The following ASH2L variants were observed in gnomAD, a reference collection of about 807,000 sequenced individuals.
ASH2L encodes the protein set1/Ash2 histone methyltransferase complex subunit ASH2.
Under a neutral mutation model 81.1 loss-of-function variants are expected in ASH2L, and 30 were observed. That is an observed-to-expected ratio of 0.37 (90% CI 0.28 to 0.50). The LOEUF (loss-of-function observed/expected upper bound fraction) is 0.50, where lower values mean the gene tolerates loss of function less well. Among genes scored for constraint, ASH2L ranks in the 20% least tolerant of loss-of-function variants. The pLI, the probability that ASH2L is intolerant of heterozygous loss-of-function variation, is 0.95. For synonymous variants in ASH2L, 273 were observed against 279.9 expected (o/e 0.98, Z 0.24); for missense variants, 559 against 792.1 (o/e 0.71, Z 3.53).
At chr8:38,106,946 C>T (rs564457289) in intron 2 of ASH2L, 75 bp from the exon 3 acceptor site, 9 of 1,551,876 alleles carry the variant, frequency 5.8e-6, no homozygotes, top group Non-Finnish European at 7.0e-6. Flanking sequence ...GGGAGACCCC[C>T]GTCTCTTAAA....
chr8:38,129,268 G>T (rs1031220421), intron 12 of ASH2L, among the ~76,000 whole-genome samples: 1 of 152,098 alleles, frequency 6.6e-6, no homozygotes, highest in Non-Finnish European at 1.5e-5. Context: ...GATACAAAAT[G>T]TATATAAAAT....
chr8:38,110,380 TC>T lies in ASH2L; in HGVS notation c.405del (p.Cys136ValfsTer5). ...TADTFGIDTS[S>X]CLPFMTNYSF... ...TCGTATAATTTGGCTCTTCGGCAGATCCTGTCTACCTTTCATGACCAACTAC... is the reference window on the plus strand; with the variant it reads ...TCGTATAATTTGGCTCTTCGGCAGATCTGTCTACCTTTCATGACCAACTAC... On this transcript the variant is annotated frameshift_variant and splice_region_variant, in exon 4 of 16. Coordinates refer to ENST00000343823, the MANE Select transcript of ASH2L (RefSeq NM_004674.5). LOFTEE classifies it high-confidence loss of function. 1 of 1,613,734 alleles carries T rather than the reference TC, an allele frequency of 6.2e-7. No homozygotes were observed. Among genetic ancestry groups the T allele is most frequent in the Non-Finnish European group, 8.5e-7 (1 of 1,179,584 alleles).
chr8:38,131,503 G>A (rs1028232657), intron 12 of ASH2L, among the ~76,000 whole-genome samples: 16 of 152,120 alleles, frequency 1.1e-4, no homozygotes, highest in African/African-American at 3.9e-4. Context: ...AAAATTAGTT[G>A]GATGTGATGG....
Position 38,119,368 on chromosome 8 carries a change from G to A in ASH2L, c.947+5G>A, listed in dbSNP as rs1811038539. On this transcript the variant is annotated splice_donor_5th_base_variant and intron_variant, in intron 9 of 15. Transcript: ENST00000343823. ...GACCACCAAGAAGGCCCGGAGGTGG[G>A]GAGAGTGCCCACCCTGCCCCCCTCA... The A allele has an allele frequency of 6.5e-7, 1 of 1,531,014 alleles. No homozygotes were observed. Among genetic ancestry groups the A allele is most frequent in the East Asian group, 2.5e-5 (1 of 39,672 alleles). 94.8% of individuals were successfully genotyped at this position (1,531,014 alleles called of 1,614,324 possible).
intron 9 of ASH2L, among the ~76,000 whole-genome samples, chr8:38,119,827 AAT>A (rs1811063185): frequency 1.3e-5 from 2 of 150,534 alleles, no homozygotes; most frequent in East Asian, 2.0e-4. Context: ...AAACAAAAAT[AAT>A]AACCCCAGGC....
At chr8:38,107,965 C>T (rs1019829682) in intron 3 of ASH2L, among the ~76,000 whole-genome samples, 2 of 151,390 alleles carry the variant, frequency 1.3e-5, no homozygotes, top group African/African-American at 2.4e-5. Flanking sequence ...GACTGGGTCT[C>T]GCTCTGCTGC....
At chr8:38,128,263 G>A in intron 10 of ASH2L, 28 bp from the exon 11 acceptor site, 1 of 1,612,900 alleles carries the variant, frequency 6.2e-7, no homozygotes, top group Non-Finnish European at 8.5e-7. Flanking sequence ...ATAAGTTGCA[G>A]GCCTTCTTTT....
At chr8:38,127,936 C>T (rs1801919864) in intron 10 of ASH2L, among the ~76,000 whole-genome samples, 2 of 151,848 alleles carry the variant, frequency 1.3e-5, no homozygotes, top group South Asian at 4.2e-4. Context: ...ATCCCAGCTA[C>T]TCGGGAGGCT....
intron 10 of ASH2L, 152 bp from the exon 11 acceptor site, chr8:38,128,139 C>G: frequency 3.3e-6 from 3 of 896,002 alleles, no homozygotes; most frequent in Non-Finnish European, 5.1e-6. Flanking sequence ...GTATCTTATG[C>G]TGAGATTTTT....
intron 4 of ASH2L, 124 bp from the exon 5 acceptor site, chr8:38,110,615 A>G: frequency 1.8e-6 from 2 of 1,118,864 alleles, no homozygotes; most frequent in Non-Finnish European, 2.7e-6. Context: ...TGCCCATTTC[A>G]GGTCACATGA....
At chr8:38,107,663 A>G (rs1810499465) in intron 3 of ASH2L, among the ~76,000 whole-genome samples, 3 of 152,188 alleles carry the variant, frequency 2.0e-5, no homozygotes, top group South Asian at 4.1e-4. Flanking sequence ...TACCTCTTCT[A>G]GTGAATTAAA....
chr8:38,111,064 A>G (rs903464731), intron 5 of ASH2L, among the ~76,000 whole-genome samples: 1 of 152,118 alleles, frequency 6.6e-6, no homozygotes, highest in African/African-American at 2.4e-5. Context: ...CTTCCCGAGT[A>G]GCTGGGATTA....
intron 10 of ASH2L, among the ~76,000 whole-genome samples, chr8:38,122,868 T>A (rs776100648): frequency 3.4e-4 from 51 of 151,992 alleles, no homozygotes; most frequent in Non-Finnish European, 2.8e-4. Context: ...CTCAGCCTAC[T>A]GAGTAGCTGG....
rs772593605 is a variant in ASH2L at position 38,133,535 on chromosome 8, C to G, written c.1609C>G (p.Pro537Ala). 5.0e-6 allele frequency: 8 copies of G among 1,609,122 alleles called. No individual in the cohort carries two copies. In the Admixed American group the frequency reaches 1.2e-4, roughly 24 times the overall value. The change falls in exon 13 of 16, where the codon CCC becomes GCC. Residue 537 changes from proline to alanine, a missense_variant. Physicochemically the swap from Pro to Ala is conservative, Grantham distance 27. Around this residue, in one of 4 missense-constraint regions of ASH2L, gnomAD observed 95 missense variants for 130.7 expected, o/e 0.73. Coordinates refer to ENST00000343823, the MANE Select transcript of ASH2L (RefSeq NM_004674.5). ...AGCAGAGAAGAGCCTGAAGCAGACT[C>G]CCCATAGTGAGGTGAGTCATGGCCA... The part of the protein sequence containing the change: ...DKAEKSLKQT[P>A]HSEIIFYKNG...
At chr8:38,110,102 A>G (rs1050028151) in intron 3 of ASH2L, among the ~76,000 whole-genome samples, 1 of 152,206 alleles carries the variant, frequency 6.6e-6, no homozygotes, top group African/African-American at 2.4e-5. Flanking sequence ...ACTTCTCATA[A>G]AGAGGCGTAC....
At chr8:38,138,458 T>C (rs1469179303) in intron 14 of ASH2L, 1 of 212,464 alleles carries the variant, frequency 4.7e-6, no homozygotes, top group Non-Finnish European at 9.4e-6. Context: ...AGTAGCTGCC[T>C]GTGGGGATAT....
intron 10 of ASH2L, among the ~76,000 whole-genome samples, chr8:38,125,120 C>A (rs565171209): frequency 3.3e-5 from 5 of 152,202 alleles, no homozygotes; most frequent in Non-Finnish European, 7.3e-5. Context: ...CATCAGACCA[C>A]ACCTCCAACA....
chr8:38,108,651 C>A (rs1405887005), intron 3 of ASH2L, among the ~76,000 whole-genome samples: 1 of 151,902 alleles, frequency 6.6e-6, no homozygotes, highest in African/African-American at 2.4e-5. Context: ...AACCCCGTCA[C>A]CAGAAAAAAA....
chr8:38,130,558 T>C (rs1339033395), intron 12 of ASH2L, among the ~76,000 whole-genome samples: 1 of 152,168 alleles, frequency 6.6e-6, no homozygotes, highest in Non-Finnish European at 1.5e-5. Flanking sequence ...GAAAACATCA[T>C]GGTGTTAGCT....
Sources: gnomAD v4.1 joint callset for allele counts (sites outside exome capture counted in the v4.1 genomes callset) on GRCh38, gnomAD v4.1.1 for gene constraint, gnomAD v4.1.1 regional missense constraint, MANE v1.5 for transcripts, NCBI Gene and HGNC (gene_info 2026-07-23, HGNC 2026-07-21) for gene names.